The following ACOXL variants were observed in gnomAD, a reference collection of about 807,000 sequenced individuals.
ACOXL encodes acyl-CoA oxidase like, also known as acyl-coenzyme A oxidase-like protein.
A neutral mutation model predicts 71.9 loss-of-function variants in ACOXL; 70 were observed. The ratio of observed to expected loss-of-function variants is 0.97; its 90% confidence interval spans 0.80 to 1.19. ACOXL has a LOEUF of 1.19. ACOXL is among the 50% of genes most tolerant of loss of function. The pLI is 0.00. For synonymous variants in ACOXL, 253 were observed against 281.6 expected, an observed-to-expected ratio of 0.90 and a Z score of 1.02; for missense variants, 703 against 736.3, an observed-to-expected ratio of 0.95 and a Z score of 0.52.
At chr2:110,753,229 A>G (rs1049903282) in intron 1 of ACOXL, among the ~76,000 whole-genome samples, 2 of 152,216 alleles carry the variant, frequency 1.3e-5, no homozygotes, top group African/African-American at 4.8e-5. Flanking sequence ...GAGTAGAAGT[A>G]GAAACCCTCA....
chr2:110,975,678 A>G (rs1198904513), intron 12 of ACOXL, among the ~76,000 whole-genome samples: 1 of 152,180 alleles, frequency 6.6e-6, no homozygotes, highest in Admixed American at 6.5e-5. Flanking sequence ...AGCAAAATAG[A>G]GAAACAAAAA....
At chr2:110,843,851 TAAAC>T (rs201442051) in intron 10 of ACOXL, among the ~76,000 whole-genome samples, 2,098 of 152,208 alleles carry the variant, frequency 0.014, 47 homozygotes, top group African/African-American at 0.047. Flanking sequence ...AGTGCAACAA[TAAAC>T]AAACAAAAAT....
intron 10 of ACOXL, among the ~76,000 whole-genome samples, chr2:110,903,381 C>G (rs1172111647): frequency 6.6e-6 from 1 of 152,244 alleles, no homozygotes; most frequent in African/African-American, 2.4e-5. Flanking sequence ...AATGTTTCCT[C>G]TATTCCTTAG....
chr2:111,064,449 A>C (rs950395786), intron 16 of ACOXL, among the ~76,000 whole-genome samples: 1 of 151,526 alleles, frequency 6.6e-6, no homozygotes, highest in Non-Finnish European at 1.5e-5. Context: ...AAAAAAACAA[A>C]AAAAAAACAA....
At chr2:110,751,177 T>C (rs1461429404) in intron 1 of ACOXL, among the ~76,000 whole-genome samples, 4 of 151,820 alleles carry the variant, frequency 2.6e-5, no homozygotes, top group Non-Finnish European at 5.9e-5. Flanking sequence ...AGCGGGTGCC[T>C]GTAGTCCCAG....
intron 9 of ACOXL, among the ~76,000 whole-genome samples, chr2:110,838,600 G>A (rs1343047612): frequency 6.6e-6 from 1 of 152,176 alleles, no homozygotes; most frequent in Non-Finnish European, 1.5e-5. Context: ...GTAGGAATGA[G>A]GAAGAGCAGG....
In ACOXL at chr2:111,055,541, G is replaced by A. The variant is rs2066493529; in HGVS notation, c.1440+6253G>A. 3.3e-5 allele frequency among the ~76,000 whole-genome samples: 5 copies of A among 152,250 alleles called. No individual in the cohort carries two copies. In the South Asian group the frequency reaches 1.0e-3, roughly 32 times the overall value. ...ATCTTGGCCCCATGCCATTGAGAGAGTCCTAAGCTCCGACCAGCAAGGGCT... is the reference window on the plus strand; with the variant it reads ...ATCTTGGCCCCATGCCATTGAGAGAATCCTAAGCTCCGACCAGCAAGGGCT... On this transcript the variant is annotated intron_variant, in intron 16 of 17. Transcript: ENST00000439055.
intron 15 of ACOXL, among the ~76,000 whole-genome samples, chr2:111,048,784 C>T (rs544376656): frequency 1.3e-5 from 2 of 151,920 alleles, no homozygotes; most frequent in South Asian, 4.2e-4. Flanking sequence ...GGGCCATACA[C>T]CAAGAGAAGA....
At chr2:110,868,711 C>T (rs984903220) in intron 10 of ACOXL, among the ~76,000 whole-genome samples, 24 of 152,116 alleles carry the variant, frequency 1.6e-4, no homozygotes, top group Non-Finnish European at 3.2e-4. Context: ...ACCTCAGCCT[C>T]CCGAGTAGCT....
At chr2:110,830,911 G>T (rs1021557466) in intron 9 of ACOXL, among the ~76,000 whole-genome samples, 1 of 152,098 alleles carries the variant, frequency 6.6e-6, no homozygotes, top group Admixed American at 6.5e-5. Flanking sequence ...TTGTTTTTCA[G>T]CAATATTTGA....
chr2:111,084,901 A>G (rs1209572668), intron 16 of ACOXL, among the ~76,000 whole-genome samples: 3 of 116,364 alleles, frequency 2.6e-5, no homozygotes, highest in African/African-American at 6.8e-5. Flanking sequence ...GAAAACAGGA[A>G]AAAAAAAAAA....
chr2:110,927,187 A>G (rs941408998), intron 11 of ACOXL, among the ~76,000 whole-genome samples: 2 of 152,158 alleles, frequency 1.3e-5, no homozygotes, highest in Non-Finnish European at 2.9e-5. Context: ...CCAACCAGAT[A>G]TCATGAGAAC....
intron 15 of ACOXL, among the ~76,000 whole-genome samples, chr2:111,037,787 G>C (rs2065590014): frequency 1.3e-5 from 2 of 152,130 alleles, no homozygotes; most frequent in South Asian, 4.1e-4. Context: ...GCTTTCCCCA[G>C]ACAGACAGTG....
chr2:110,872,862 G>A (rs1695440744), intron 10 of ACOXL, among the ~76,000 whole-genome samples: 1 of 152,156 alleles, frequency 6.6e-6, no homozygotes, highest in East Asian at 1.9e-4. Flanking sequence ...CCTCCTGAAG[G>A]GCTTGTTCCT....
In ACOXL at chr2:111,117,841, C is replaced by T. The variant is rs796878293; in HGVS notation, c.*25C>T. Reference sequence around the variant, plus strand: ...ACGGGTGTGGCGGGAAGTGTGGTGGCCCGCCAGCAGCTGCCACGACGCTCG... The same window carrying T: ...ACGGGTGTGGCGGGAAGTGTGGTGGTCCGCCAGCAGCTGCCACGACGCTCG... On this transcript the variant is annotated 3_prime_UTR_variant, in exon 18 of 18. Transcript: ENST00000439055. 34 of 1,536,478 alleles carry T rather than the reference C, an allele frequency of 2.2e-5. 1 individual carries two copies. In the African/African-American group the frequency reaches 4.0e-4, roughly 18 times the overall value.
intron 1 of ACOXL, among the ~76,000 whole-genome samples, chr2:110,741,312 C>T (rs1677506115): frequency 1.3e-5 from 2 of 152,142 alleles, no homozygotes; most frequent in South Asian, 4.2e-4. Context: ...TGGGTGTCGG[C>T]AGGGTTGGTT....
chr2:111,017,212 G>A (rs1013596792), intron 14 of ACOXL, among the ~76,000 whole-genome samples: 46 of 152,216 alleles, frequency 3.0e-4, no homozygotes, highest in African/African-American at 1.1e-3. Context: ...GTGCAGAAAT[G>A]AGCCTGTTAT....
At chr2:110,954,314 T>G (rs903131373) in intron 12 of ACOXL, among the ~76,000 whole-genome samples, 1 of 152,246 alleles carries the variant, frequency 6.6e-6, no homozygotes, top group African/African-American at 2.4e-5. Context: ...AATCTCATTT[T>G]TATCTGTTTA....
intron 10 of ACOXL, among the ~76,000 whole-genome samples, chr2:110,850,830 G>T (rs1250358796): frequency 1.3e-5 from 2 of 152,196 alleles, no homozygotes; most frequent in Non-Finnish European, 2.9e-5. Flanking sequence ...TTAAAGGAGA[G>T]AAATGAAAAC....
Sources: gnomAD v4.1 joint callset for allele counts (sites outside exome capture counted in the v4.1 genomes callset) on GRCh38, gnomAD v4.1.1 for gene constraint, MANE v1.5 for transcripts, NCBI Gene and HGNC (gene_info 2026-07-23, HGNC 2026-07-21) for gene names.